The following KCNMB2 variants were observed in gnomAD, a reference collection of about 807,000 sequenced individuals.
KCNMB2 encodes the protein potassium calcium-activated channel subfamily M regulatory beta subunit 2, also known as calcium-activated potassium channel subunit beta-2.
In KCNMB2, 9 loss-of-function variants were observed where a neutral mutation model predicts 24.5. That is an observed-to-expected ratio of 0.37 (90% confidence interval 0.22 to 0.64). The LOEUF (loss-of-function observed/expected upper bound fraction) is 0.64. Among genes scored for constraint, KCNMB2 ranks in the 30% least tolerant of loss-of-function variants. The pLI is 0.63. For missense variants in KCNMB2, 226 were observed against 284.3 expected (o/e 0.79, Z 1.47); for synonymous variants, 109 against 104.4 (o/e 1.04, Z -0.27).
intron 2 of KCNMB2, among the ~76,000 whole-genome samples, chr3:178,824,055 A>T (rs2108466325): frequency 6.6e-6 from 1 of 152,274 alleles, no homozygotes; most frequent in African/African-American, 2.4e-5. Flanking sequence ...AGACATTGAA[A>T]AATCATGAGC....
intron 1 of KCNMB2, among the ~76,000 whole-genome samples, chr3:178,646,734 G>A (rs751247340): frequency 4.6e-5 from 7 of 152,170 alleles, no homozygotes; most frequent in East Asian, 3.8e-4. Flanking sequence ...ATAGTGTGTC[G>A]TGCTGTTAAT....
In KCNMB2 at chr3:178,793,520, G is replaced by A. The variant is rs187167960; in HGVS notation, c.-67-13823G>A. Among the ~76,000 whole-genome samples, 27 of 152,136 alleles carry A rather than the reference G, an allele frequency of 1.8e-4. No individual in the cohort carries two copies. The East Asian group carries it at 4.7e-3, about 26-fold the overall frequency. On this transcript the variant is annotated intron_variant, in intron 1 of 4. Coordinates refer to ENST00000452583, the MANE Select transcript of KCNMB2 (RefSeq NM_181361.3). ...CGGAAGCTGCTCTTCACCCTGGGGG[G>A]GTGGGCAATGGACAGCAGAAGGACT...
At chr3:178,756,763 T>C (rs1331852042) in intron 1 of KCNMB2, among the ~76,000 whole-genome samples, 2 of 152,098 alleles carry the variant, frequency 1.3e-5, no homozygotes, top group African/African-American at 4.8e-5. Flanking sequence ...CAATTTCCTC[T>C]TTCTTTCTCT....
chr3:178,662,083 T>C (rs1002724149), intron 1 of KCNMB2, among the ~76,000 whole-genome samples: 9 of 152,204 alleles, frequency 5.9e-5, no homozygotes, highest in African/African-American at 1.2e-4. Context: ...GAATATTCCA[T>C]AGGTACTAAC....
chr3:178,555,613 T>C lies in KCNMB2; in HGVS notation c.-68+18902T>C, dbSNP rs574794791. ...AAAGCCCTATTGTCATTATTCACTTTATGGTGAATAGCCATTTCCACTGTA... is the reference window on the plus strand; with the variant it reads ...AAAGCCCTATTGTCATTATTCACTTCATGGTGAATAGCCATTTCCACTGTA... On this transcript the variant is annotated intron_variant, in intron 1 of 4. Coordinates refer to ENST00000452583, the MANE Select transcript of KCNMB2 (RefSeq NM_181361.3). Among the ~76,000 whole-genome samples, 231 of 152,376 alleles carry C rather than the reference T, an allele frequency of 1.5e-3. 2 individuals are homozygous for C. The highest frequency in any genetic ancestry group is 5.4e-3 in the African/African-American group (225 of 41,596).
At position 178,701,345 on chromosome 3, in the gene KCNMB2, T is replaced by A. The variant is rs562126168; in HGVS notation, c.-67-105998T>A. Among the ~76,000 whole-genome samples, 493 of 152,308 alleles carry A rather than the reference T, an allele frequency of 3.2e-3. 3 individuals are homozygous for A. Among genetic ancestry groups the A allele is most frequent in the African/African-American group, 0.011 (452 of 41,560 alleles). ...CTGTTTTGGTACCAGTACCATGCTG[T>A]TTTGGTTACTGTAGCCTTGTAGTAT... On this transcript the variant is annotated intron_variant, in intron 1 of 4. Transcript: ENST00000452583.
chr3:178,809,413 T>C lies in KCNMB2; in HGVS notation c.56+1948T>C, dbSNP rs932688328. Among the ~76,000 whole-genome samples, 9 of 152,358 alleles carry C rather than the reference T, an allele frequency of 5.9e-5. No homozygotes were observed. In the East Asian group the frequency reaches 7.7e-4, roughly 13 times the overall value. On this transcript the variant is annotated intron_variant, in intron 2 of 4. Transcript: ENST00000452583. ...AATTACTGTGTACTGTAGGTTTTAA[T>C]TGTGTTCTCTTAAGATAGATATTAT...
chr3:178,822,919 C>G (rs947490387), intron 2 of KCNMB2, among the ~76,000 whole-genome samples: 2 of 152,182 alleles, frequency 1.3e-5, no homozygotes, highest in Non-Finnish European at 2.9e-5. Context: ...AGATTATGCT[C>G]CCTCCTTGCT....
chr3:178,738,855 C>A (rs1302472593), intron 1 of KCNMB2, among the ~76,000 whole-genome samples: 1 of 152,148 alleles, frequency 6.6e-6, no homozygotes, highest in Non-Finnish European at 1.5e-5. Flanking sequence ...GATGTCTGTT[C>A]TCCGTGCTCA....
intron 1 of KCNMB2, among the ~76,000 whole-genome samples, chr3:178,710,714 C>T (rs7612370): frequency 0.11 from 16,672 of 152,114 alleles, 1,109 homozygotes; most frequent in Middle Eastern, 0.23. Flanking sequence ...CCATTTAAAA[C>T]ATTCAAATTC....
intron 1 of KCNMB2, among the ~76,000 whole-genome samples, chr3:178,543,067 C>T (rs13085138): frequency 0.42 from 63,397 of 151,962 alleles, 13,378 homozygotes; most frequent in East Asian, 0.59. Flanking sequence ...ACTTTAATTG[C>T]ATGTATTATA....
At position 178,693,129 on chromosome 3, in the gene KCNMB2, T is replaced by C. The variant is rs141250872; in HGVS notation, c.-67-114214T>C. Among the ~76,000 whole-genome samples, 365 of 152,358 alleles carry C rather than the reference T, an allele frequency of 2.4e-3. 2 individuals are homozygous for C. The highest frequency in any genetic ancestry group is 7.7e-3 in the African/African-American group (320 of 41,578). On this transcript the variant is annotated intron_variant, in intron 1 of 4. Coordinates refer to ENST00000452583, the MANE Select transcript of KCNMB2 (RefSeq NM_181361.3). ...CCTGAGACTTTGCTGAACTTGTTTA[T>C]CAGCTTAAGAAGCATTTAGGCTGAG...
At chr3:178,584,402 AGTCTCCCGCAGGTGCT>A (rs1264756834) in intron 1 of KCNMB2, among the ~76,000 whole-genome samples, 1 of 152,156 alleles carries the variant, frequency 6.6e-6, no homozygotes, top group Non-Finnish European at 1.5e-5. Flanking sequence ...GATCCTGCCC[AGTCTCCCGCAGGTGCT>A]GTCTCCCTCC....
intron 1 of KCNMB2, among the ~76,000 whole-genome samples, chr3:178,639,581 A>G (rs1719649039): frequency 6.6e-6 from 1 of 152,250 alleles, no homozygotes; most frequent in Admixed American, 6.5e-5. Flanking sequence ...TAATATCTAT[A>G]TAACCCAAAT....
chr3:178,580,653 A>G (rs559002105), intron 1 of KCNMB2, among the ~76,000 whole-genome samples: 7 of 152,342 alleles, frequency 4.6e-5, no homozygotes, highest in African/African-American at 1.4e-4. Context: ...TAAGCTGATA[A>G]GCAACTTCAG....
intron 1 of KCNMB2, among the ~76,000 whole-genome samples, chr3:178,718,709 A>G (rs1722699694): frequency 1.3e-5 from 2 of 152,208 alleles, no homozygotes; most frequent in African/African-American, 4.8e-5. Context: ...ACAAATTCCC[A>G]GTTTCTTTCC....
chr3:178,689,333 T>C (rs1470660898), intron 1 of KCNMB2, among the ~76,000 whole-genome samples: 1 of 152,134 alleles, frequency 6.6e-6, no homozygotes, highest in East Asian at 1.9e-4. Flanking sequence ...CTTGCATTTG[T>C]ATAGCATCTT....
At chr3:178,567,844 G>T (rs2108472025) in intron 1 of KCNMB2, among the ~76,000 whole-genome samples, 1 of 152,208 alleles carries the variant, frequency 6.6e-6, no homozygotes, top group African/African-American at 2.4e-5. Context: ...CTGTGGTTTT[G>T]TGATCTTGGT....
intron 1 of KCNMB2, among the ~76,000 whole-genome samples, chr3:178,668,226 A>T (rs1207451312): frequency 6.6e-6 from 1 of 152,080 alleles, no homozygotes; most frequent in Non-Finnish European, 1.5e-5. Flanking sequence ...TTATGTCAAG[A>T]GGAGGTAAGG....
Sources: gnomAD v4.1 joint callset for allele counts (sites outside exome capture counted in the v4.1 genomes callset) on GRCh38, gnomAD v4.1.1 for gene constraint, MANE v1.5 for transcripts, NCBI Gene and HGNC (gene_info 2026-07-23, HGNC 2026-07-21) for gene names.